GJA8: variants seen among roughly 807,000 people sequenced by gnomAD.
GJA8 encodes gap junction alpha-8 protein.
In GJA8, 13 loss-of-function variants were observed where a neutral mutation model predicts 15.3. That is an observed-to-expected ratio of 0.85 (90% CI 0.55 to 1.35). The LOEUF is 1.35. Ranked by LOEUF, GJA8 falls within the 40% of genes most tolerant of loss-of-function variation. GJA8 has a pLI of 0.00. For missense variants in GJA8, 607 were observed against 553.3 expected (o/e 1.10, Z -0.97); for synonymous variants, 304 against 238.7 (o/e 1.27, Z -2.52).
At position 147,908,302 on chromosome 1, in the gene GJA8, A is replaced by T. The variant is rs1042509090; in HGVS notation, c.347A>T (p.Gln116Leu). The change falls in exon 2 of 2, where the codon CAG (glutamine) becomes CTG (leucine). Residue 116 changes from glutamine to leucine, a missense_variant. By Grantham distance (113) the Gln-to-Leu change is moderately radical. Transcript: ENST00000369235. Reference protein sequence around the residue: ...RKSREAEELGQQAGTNGGPDQ... With the variant: ...RKSREAEELGLQAGTNGGPDQ... Reference sequence around the variant, plus strand: ...AGCCGCGAGGCGGAGGAGCTGGGCCAGCAGGCGGGGACTAACGGCGGCCCG... The same window carrying T: ...AGCCGCGAGGCGGAGGAGCTGGGCCTGCAGGCGGGGACTAACGGCGGCCCG... The T allele has an allele frequency of 1.9e-6, 3 of 1,614,194 alleles. No homozygotes were observed. Among genetic ancestry groups the T allele is most frequent in the Non-Finnish European group, 2.5e-6 (3 of 1,180,030 alleles).
In GJA8 at chr1:147,908,367, A is replaced by C; in HGVS notation, c.412A>C (p.Thr138Pro). ...CAAGAAGAGCAGCGGCAGCAAAGGC[A>C]CTAAGAAGTTCCGGCTGGAGGGGAC... ...SVKKSSGSKG[T>P]KKFRLEGTLL... The change falls in exon 2 of 2, where the codon ACT (threonine) becomes CCT (proline). Residue 138 changes from threonine to proline, a missense_variant. By Grantham distance (38) the Thr-to-Pro change is conservative (BLOSUM62 -1). Transcript: ENST00000369235. 1 of 1,614,222 alleles carries C rather than the reference A, an allele frequency of 6.2e-7. No homozygotes were observed.
chr1:147,911,396 T>C (rs1431765170), downstream of GJA8, among the ~76,000 whole-genome samples: 4 of 152,192 alleles, frequency 2.6e-5, no homozygotes, highest in African/African-American at 9.7e-5. Context: ...AAAAATTAAA[T>C]TCATTCTAAG....
chr1:147,909,002 G>A lies in GJA8; in HGVS notation c.1047G>A (p.Lys349=), dbSNP rs782668919. Reference sequence around the variant, plus strand: ...GAGCCGAACCCGAGGTGGGAGAGAAGAAGGAGGAAGCAGAGAGGCTGACCA... The same window carrying A: ...GAGCCGAACCCGAGGTGGGAGAGAAAAAGGAGGAAGCAGAGAGGCTGACCA... ...EEGAEPEVGE[K]KEEAERLTTE... The change falls in exon 2 of 2, where the codon AAG becomes AAA. Residue 349 remains lysine (K), a synonymous_variant. Coordinates refer to ENST00000369235, the MANE Select transcript of GJA8 (RefSeq NM_005267.5). The A allele has an allele frequency of 6.3e-7, 1 of 1,594,748 alleles. No homozygotes were observed. The highest frequency in any genetic ancestry group is 8.5e-7 in the Non-Finnish European group (1 of 1,169,944).
Position 147,908,848 on chromosome 1 carries a change from A to G in GJA8, c.893A>G (p.Asn298Ser), listed in dbSNP as rs142376567. The G allele has an allele frequency of 2.4e-4, 395 of 1,614,186 alleles. 1 individual carries two copies. The African/African-American group carries it at 4.8e-3, about 20-fold the overall frequency. ...AGCCCACTGCCTGCCAAGCCTTTCA[A>G]TCAGTTCGAGGAGAAGATCAGCACA... ...ETSPLPAKPF[N>S]QFEEKISTGP... Residue 298 changes from asparagine to serine, a missense_variant, in exon 2 of 2, where the codon AAT (asparagine) becomes AGT (serine). Coordinates refer to ENST00000369235, the MANE Select transcript of GJA8 (RefSeq NM_005267.5).
downstream of GJA8, among the ~76,000 whole-genome samples, chr1:147,911,622 T>C (rs75150339): frequency 0.019 from 2,834 of 152,268 alleles, 41 homozygotes; most frequent in Admixed American, 0.04. Flanking sequence ...TTCTCCTATA[T>C]GGTGAGAGAA....
At chr1:147,913,118 C>G (rs756033643), downstream of GJA8, among the ~76,000 whole-genome samples, 4 of 152,098 alleles carry the variant, frequency 2.6e-5, no homozygotes, top group African/African-American at 7.2e-5. Flanking sequence ...CTTACCTGCT[C>G]TATGAGACAA....
chr1:147,906,675 G>T (rs1233474951), intron 1 of GJA8, among the ~76,000 whole-genome samples: 4 of 152,008 alleles, frequency 2.6e-5, no homozygotes, highest in Non-Finnish European at 5.9e-5. Flanking sequence ...TATTAATAAG[G>T]GTTTCCAGAT....
At chr1:147,911,161 G>A (rs985018139), downstream of GJA8, among the ~76,000 whole-genome samples, 4 of 152,052 alleles carry the variant, frequency 2.6e-5, no homozygotes, top group Non-Finnish European at 4.4e-5. Flanking sequence ...ACCAGCAAGG[G>A]GCCCAAAAGG....
intron 1 of GJA8, among the ~76,000 whole-genome samples, chr1:147,903,932 C>CTTTTT (rs1477255302): frequency 2.0e-4 from 6 of 30,650 alleles, no homozygotes; most frequent in South Asian, 1.8e-3. Context: ...AATTTAATAA[C>CTTTTT]TCTTTTTTTT....
At position 147,908,125 on chromosome 1, in the gene GJA8, A is replaced by G; in HGVS notation, c.170A>G (p.Gln57Arg). ...CAATCCGACTTCGTGTGCAACACCC[A>G]GCAGCCTGGCTGCGAGAACGTCTGC... The part of the protein sequence containing the change: ...DEQSDFVCNT[Q>R]QPGCENVCYD... The change falls in exon 2 of 2, where the codon CAG (glutamine) becomes CGG (arginine). Residue 57 changes from glutamine to arginine, a missense_variant. Transcript: ENST00000369235. The G allele has an allele frequency of 6.2e-7, 1 of 1,614,210 alleles. No individual in the cohort carries two copies. Among genetic ancestry groups the G allele is most frequent in the Non-Finnish European group, 8.5e-7 (1 of 1,180,034 alleles).
chr1:147,904,421 C>T (rs916158525), intron 1 of GJA8, among the ~76,000 whole-genome samples: 1 of 152,018 alleles, frequency 6.6e-6, no homozygotes, highest in Admixed American at 6.6e-5. Context: ...CAAGGATACC[C>T]AAACATAAGG....
Position 147,908,830 on chromosome 1 carries a change from T to C in GJA8, c.875T>C (p.Leu292Pro), listed in dbSNP as rs886045255. 6.2e-7 allele frequency: 1 copy of C among 1,614,198 alleles called. No individual in the cohort carries two copies. The highest frequency in any genetic ancestry group is 2.2e-5 in the East Asian group (1 of 44,874). ...TEVGMVETSP[L>P]PAKPFNQFEE... ...GTTGGGATGGTGGAGACCAGCCCAC[T>C]GCCTGCCAAGCCTTTCAATCAGTTC... The change falls in exon 2 of 2, where the codon CTG becomes CCG. Residue 292 changes from leucine to proline, a missense_variant. Leu to Pro is a moderately conservative substitution (Grantham distance 98). Transcript: ENST00000369235.
At position 147,909,071 on chromosome 1, in the gene GJA8, A is replaced by G. The variant is rs1222509335; in HGVS notation, c.1116A>G (p.Val372=). The change falls in exon 2 of 2, where the codon GTA becomes GTG. Residue 372 remains valine (V), a synonymous_variant. Coordinates refer to ENST00000369235, the MANE Select transcript of GJA8 (RefSeq NM_005267.5). ...TGGCCGTGCCAGAGGGGGAGAAAGTAGAGACCCCCGGAGTGGATAAGGAGG... is the reference window on the plus strand; with the variant it reads ...TGGCCGTGCCAGAGGGGGAGAAAGTGGAGACCCCCGGAGTGGATAAGGAGG... ...EKVAVPEGEK[V]ETPGVDKEGE... is the part of the protein sequence containing the mutation. 1.9e-6 allele frequency: 3 copies of G among 1,607,090 alleles called. No individual in the cohort carries two copies. Among genetic ancestry groups the G allele is most frequent in the African/African-American group, 1.3e-5 (1 of 74,758 alleles).
intron 1 of GJA8, among the ~76,000 whole-genome samples, chr1:147,906,513 C>T (rs1651804598): frequency 6.6e-6 from 1 of 152,192 alleles, no homozygotes; most frequent in Admixed American, 6.5e-5. Context: ...CCATATGTTA[C>T]AGACCCTGAA....
chr1:147,909,144 C>G lies in GJA8; in HGVS notation c.1189C>G (p.Pro397Ala). 2 of 1,613,850 alleles carry G rather than the reference C, an allele frequency of 1.2e-6. No homozygotes were observed. The highest frequency in any genetic ancestry group is 1.7e-6 in the Non-Finnish European group (2 of 1,179,870). ...GGAGAAGGTGTCAAAGCAAGGGCTG[C>G]CAGCTGAGAAGACACCTTCACTCTG... is the stretch of plus-strand genomic sequence containing the variant. ...QSEKVSKQGL[P>A]AEKTPSLCPE... Residue 397 changes from proline (P) to alanine (A), a missense_variant, in exon 2 of 2, where the codon CCA (proline) becomes GCA (alanine). Pro to Ala is a conservative substitution (Grantham distance 27). Transcript: ENST00000369235.
downstream of GJA8, chr1:147,909,285 G>T: frequency 9.3e-7 from 1 of 1,076,298 alleles, no homozygotes. Context: ...AAAAAAAAAC[G>T]CCCAAGCTTA....
rs1464723626 is a variant in GJA8, at chr1:147,908,659, C to T, written c.704C>T (p.Ala235Val). The change falls in exon 2 of 2, where the codon GCC becomes GTC. Residue 235 changes from alanine to valine, a missense_variant. By Grantham distance (64) the Ala-to-Val change is moderately conservative (BLOSUM62 0). Transcript: ENST00000369235. Reference sequence around the variant, plus strand: ...CTGGGCCTGAAGGGGATCCGGTCTGCCTTGAAGAGGCCTGTAGAGCAGCCC... The same window carrying T: ...CTGGGCCTGAAGGGGATCCGGTCTGTCTTGAAGAGGCCTGTAGAGCAGCCC... ...GHLGLKGIRSALKRPVEQPLG... is the reference protein window; with the variant it reads ...GHLGLKGIRSVLKRPVEQPLG... The T allele has an allele frequency of 1.1e-5, 17 of 1,613,976 alleles. No individual in the cohort carries two copies. The highest frequency in any genetic ancestry group is 1.4e-5 in the Non-Finnish European group (17 of 1,179,974).
In GJA8 at chr1:147,908,791, T is replaced by C. The variant is rs1553242852; in HGVS notation, c.836T>C (p.Phe279Ser). The C allele has an allele frequency of 6.2e-7, 1 of 1,614,092 alleles. No homozygotes were observed. Among genetic ancestry groups the C allele is most frequent in the Admixed American group, 1.7e-5 (1 of 60,002 alleles). The change falls in exon 2 of 2, where the codon TTC (phenylalanine) becomes TCC (serine). Residue 279 changes from phenylalanine to serine, a missense_variant. Physicochemically the swap from Phe to Ser is radical, Grantham distance 155 (BLOSUM62 -2). Coordinates refer to ENST00000369235, the MANE Select transcript of GJA8 (RefSeq NM_005267.5). ...LEEEKIVSHY[F>S]PLTEVGMVET... ...GAAGAGAAAATCGTTTCCCACTATTTCCCCTTGACCGAGGTTGGGATGGTG... is the reference window on the plus strand; with the variant it reads ...GAAGAGAAAATCGTTTCCCACTATTCCCCCTTGACCGAGGTTGGGATGGTG...
chr1:147,907,339 A>G (rs1651839931), intron 1 of GJA8, among the ~76,000 whole-genome samples: 1 of 152,250 alleles, frequency 6.6e-6, no homozygotes, highest in Admixed American at 6.5e-5. Flanking sequence ...TAGCAGGATC[A>G]AGTTAAATGA....
Sources: gnomAD v4.1 joint callset for allele counts (sites outside exome capture counted in the v4.1 genomes callset) on GRCh38, gnomAD v4.1.1 for gene constraint, MANE v1.5 for transcripts, NCBI Gene and HGNC (gene_info 2026-07-23, HGNC 2026-07-21) for gene names.